Variants in GRIP1 observed in about 807,000 individuals in gnomAD.
GRIP1 encodes the protein glutamate receptor-interacting protein 1.
GRIP1 carries 45 observed loss-of-function variants against 129.9 expected under a neutral mutation model. That is an observed-to-expected ratio of 0.35 (90% CI 0.27 to 0.44). The LOEUF (loss-of-function observed/expected upper bound fraction) is 0.44. Ranked by LOEUF, GRIP1 falls within the 20% of genes least tolerant of loss-of-function variation. The probability of loss-of-function intolerance (pLI) is 1.00; values close to 1 mark genes in which losing one functional copy is unlikely to be tolerated. For missense variants in GRIP1, 1,196 were observed against 1,396.8 expected (o/e 0.86, Z 2.29); for synonymous variants, 530 against 520.8 (o/e 1.02, Z -0.24).
At chr12:66,461,392 C>T (rs1352791526) in intron 9 of GRIP1, among the ~76,000 whole-genome samples, 5 of 152,132 alleles carry the variant, frequency 3.3e-5, no homozygotes, top group Admixed American at 3.3e-4. Context: ...ATGATGACTG[C>T]CGATTAATTT....
upstream of GRIP1, among the ~76,000 whole-genome samples, chr12:66,807,143 C>T (rs1017449919): frequency 2.0e-5 from 3 of 151,998 alleles, no homozygotes; most frequent in East Asian, 1.9e-4. Context: ...TGAGGGGTGG[C>T]GGAGGTAAAC....
At chr12:66,797,594 G>A (rs367845140) in intron 1 of GRIP1, among the ~76,000 whole-genome samples, 3 of 152,076 alleles carry the variant, frequency 2.0e-5, no homozygotes, top group South Asian at 2.1e-4. Flanking sequence ...AGTTTCCATC[G>A]GTGGCATTTA....
At chr12:66,386,226 T>C (rs994993228) in intron 19 of GRIP1, among the ~76,000 whole-genome samples, 15 of 152,240 alleles carry the variant, frequency 9.9e-5, no homozygotes, top group African/African-American at 3.4e-4. Flanking sequence ...TCCAACCTTG[T>C]AATATTTGGT....
rs2043437481 is a variant in GRIP1, at chr12:67,056,461, T to C, written c.58+12589A>G. Among the ~76,000 whole-genome samples, 3 of 152,178 alleles carry C rather than the reference T, an allele frequency of 2.0e-5. No individual in the cohort carries two copies. The South Asian group carries it at 6.2e-4, about 32-fold the overall frequency. On this transcript the variant is annotated intron_variant, in intron 1 of 1. Transcript: ENST00000643019. ...CTTCCTCACAGCATTGTGGCTTCAGTGTAGTTGAAAGTATGGTAGCTCAGG... is the reference window on the plus strand; with the variant it reads ...CTTCCTCACAGCATTGTGGCTTCAGCGTAGTTGAAAGTATGGTAGCTCAGG...
At chr12:66,583,971 C>A (rs1289644001) in intron 2 of GRIP1, among the ~76,000 whole-genome samples, 4 of 139,462 alleles carry the variant, frequency 2.9e-5, no homozygotes, top group African/African-American at 7.9e-5. Context: ...ATGTTTATTG[C>A]GGCATTATTC....
chr12:66,988,268 G>A (rs1245034559), intron 1 of GRIP1, among the ~76,000 whole-genome samples: 1 of 152,166 alleles, frequency 6.6e-6, no homozygotes, highest in Non-Finnish European at 1.5e-5. Context: ...GGTGATGGGA[G>A]TGAAACTCTG....
intron 1 of GRIP1, among the ~76,000 whole-genome samples, chr12:66,851,584 C>T (rs2039913443): frequency 6.6e-6 from 1 of 152,112 alleles, no homozygotes; most frequent in South Asian, 2.1e-4. Flanking sequence ...TCAGAAGGCA[C>T]AGTCACTAAT....
intron 1 of GRIP1, among the ~76,000 whole-genome samples, chr12:66,782,748 T>C (rs942526502): frequency 1.3e-5 from 2 of 152,190 alleles, no homozygotes; most frequent in Non-Finnish European, 2.9e-5. Flanking sequence ...ACAAAGGTAG[T>C]TACTCTTACT....
chr12:66,859,194 C>T (rs923421140), intron 1 of GRIP1, among the ~76,000 whole-genome samples: 2 of 139,126 alleles, frequency 1.4e-5, no homozygotes, highest in Admixed American at 1.6e-4. Flanking sequence ...AAATACTAAA[C>T]GCAACAAATT....
chr12:66,688,041 G>A (rs543665741), intron 1 of GRIP1, among the ~76,000 whole-genome samples: 4 of 152,182 alleles, frequency 2.6e-5, no homozygotes, highest in Admixed American at 6.6e-5. Context: ...CAAGACAGAG[G>A]AAAATAGAGT....
At chr12:66,410,369 C>T (rs1399633553) in intron 15 of GRIP1, among the ~76,000 whole-genome samples, 12 of 150,644 alleles carry the variant, frequency 8.0e-5, no homozygotes, top group Admixed American at 1.3e-4. Context: ...TGGTGGCTCA[C>T]GCCTATAATC....
chr12:67,055,111 T>C (rs1474277769), intron 1 of GRIP1, among the ~76,000 whole-genome samples: 1 of 152,192 alleles, frequency 6.6e-6, no homozygotes, highest in Non-Finnish European at 1.5e-5. Context: ...GGCAAATCTC[T>C]CATGGAATTT....
At chr12:66,519,867 G>A (rs1290994702) in intron 5 of GRIP1, among the ~76,000 whole-genome samples, 1 of 152,218 alleles carries the variant, frequency 6.6e-6, no homozygotes, top group Non-Finnish European at 1.5e-5. Context: ...TGTCTAAAGT[G>A]TAAAGCAACT....
intron 1 of GRIP1, among the ~76,000 whole-genome samples, chr12:66,765,572 A>T (rs180756143): frequency 6.6e-6 from 1 of 152,190 alleles, no homozygotes; most frequent in Non-Finnish European, 1.5e-5. Flanking sequence ...GTGGGTTGGG[A>T]TATCTAATCC....
chr12:66,913,538 C>T (rs903538330), intron 1 of GRIP1, among the ~76,000 whole-genome samples: 5 of 152,156 alleles, frequency 3.3e-5, no homozygotes, highest in Non-Finnish European at 7.4e-5. Context: ...TTCTCCCATA[C>T]ACACAACTAA....
chr12:67,012,714 G>T (rs2042728274), intron 1 of GRIP1, among the ~76,000 whole-genome samples: 1 of 152,128 alleles, frequency 6.6e-6, no homozygotes, highest in Non-Finnish European at 1.5e-5. Context: ...GCTGTGAATT[G>T]TTTTCTTATC....
chr12:66,962,614 G>A (rs182935495), intron 1 of GRIP1, among the ~76,000 whole-genome samples: 1 of 152,204 alleles, frequency 6.6e-6, no homozygotes, highest in Non-Finnish European at 1.5e-5. Context: ...ATAAAAAACT[G>A]CAAACATACA....
At chr12:66,987,915 C>T (rs1406041786) in intron 1 of GRIP1, among the ~76,000 whole-genome samples, 2 of 152,198 alleles carry the variant, frequency 1.3e-5, no homozygotes, top group African/African-American at 2.4e-5. Context: ...ACGGAATGAA[C>T]GCTTCCCCTT....
At chr12:66,452,950 T>G (rs55691587) in intron 11 of GRIP1, among the ~76,000 whole-genome samples, 2,725 of 152,310 alleles carry the variant, frequency 0.018, 64 homozygotes, top group African/African-American at 0.061. Context: ...ATTTATGGTT[T>G]GAATAAAATA....
Sources: gnomAD v4.1 joint callset for allele counts (sites outside exome capture counted in the v4.1 genomes callset) on GRCh38, gnomAD v4.1.1 for gene constraint, MANE v1.5 for transcripts, NCBI Gene and HGNC (gene_info 2026-07-23, HGNC 2026-07-21) for gene names.